The following FIBCD1 variants were observed in gnomAD, a reference collection of about 807,000 sequenced individuals.
The protein encoded by FIBCD1 is fibrinogen C domain containing 1, also known as fibrinogen C domain-containing protein 1.
Under a neutral mutation model 45.1 loss-of-function variants are expected in FIBCD1, and 47 were observed. That is an observed-to-expected ratio of 1.04 (90% CI 0.82 to 1.33). The LOEUF is 1.33. Ranked by LOEUF, FIBCD1 falls within the 40% of genes most tolerant of loss-of-function variation. The pLI, the probability that FIBCD1 is intolerant of heterozygous loss-of-function variation, is 0.00. For synonymous variants in FIBCD1, 313 were observed against 308.1 expected (o/e 1.02, Z -0.17); for missense variants, 653 against 682.2 (o/e 0.96, Z 0.48).
At chr9:130,911,174 G>T (rs531969289) in intron 5 of FIBCD1, among the ~76,000 whole-genome samples, 1 of 152,292 alleles carries the variant, frequency 6.6e-6, no homozygotes, top group South Asian at 2.1e-4. Context: ...GTGAAGGTCT[G>T]CAGTTTCACT....
chr9:130,912,484 A>C (rs1278813175), intron 4 of FIBCD1, among the ~76,000 whole-genome samples: 1 of 150,092 alleles, frequency 6.7e-6, no homozygotes, highest in Non-Finnish European at 1.5e-5. Context: ...AGGTGGGTGG[A>C]TCACCTGAGG....
intron 4 of FIBCD1, among the ~76,000 whole-genome samples, chr9:130,919,671 T>C (rs1832225302): frequency 6.6e-6 from 1 of 152,102 alleles, no homozygotes; most frequent in South Asian, 2.1e-4. Context: ...TACAGGCAGA[T>C]GTGAACTGGC....
chr9:130,919,870 C>T (rs1026342597), intron 4 of FIBCD1, among the ~76,000 whole-genome samples: 1 of 151,556 alleles, frequency 6.6e-6, no homozygotes, highest in Non-Finnish European at 1.5e-5. Context: ...CGTGTGTGAC[C>T]CCAGCCAGTG....
chr9:130,928,872 A>G (rs1832399152), intron 2 of FIBCD1, among the ~76,000 whole-genome samples: 1 of 152,108 alleles, frequency 6.6e-6, no homozygotes, highest in East Asian at 1.9e-4. Context: ...GTGGAGGCAG[A>G]TGAGACGATC....
chr9:130,932,320 C>T (rs756689389), intron 1 of FIBCD1, among the ~76,000 whole-genome samples: 33 of 152,196 alleles, frequency 2.2e-4, no homozygotes, highest in Non-Finnish European at 3.5e-4. Flanking sequence ...TGCAGACCCC[C>T]GGGAAAGAGA....
At chr9:130,931,627 A>G (rs185743580) in intron 1 of FIBCD1, among the ~76,000 whole-genome samples, 1 of 152,380 alleles carries the variant, frequency 6.6e-6, no homozygotes, top group African/African-American at 2.4e-5. Context: ...GAGGTGCCAG[A>G]GCGTGGCCGC....
At position 130,922,202 on chromosome 9, in the gene FIBCD1, A is replaced by T. The variant is rs2133102276; in HGVS notation, c.849+1542T>A. 6.6e-6 allele frequency among the ~76,000 whole-genome samples: 1 copy of T among 152,242 alleles called. No homozygotes were observed. The highest frequency in any genetic ancestry group is 2.4e-5 in the African/African-American group (1 of 41,546). ...CAATACACCAAAAATAGTCAGCACC[A>T]AGATCCCAGGCGAGATGCGTCCCGC... On this transcript the variant is annotated intron_variant, in intron 4 of 6. Transcript: ENST00000372338. The surrounding 1 kb of genome is among the most constrained non-coding windows in gnomAD (Gnocchi z 4.5).
Position 130,903,040 on chromosome 9 carries a change from T to C in FIBCD1, c.*1024A>G, listed in dbSNP as rs1043644761. 4 of 152,098 alleles carry C rather than the reference T, an allele frequency of 2.6e-5. No homozygotes were observed. Among genetic ancestry groups the C allele is most frequent in the Non-Finnish European group, 5.9e-5 (4 of 68,078 alleles). The allele number at this position is 152,098 out of a possible 1,614,324, so 9.4% of individuals were successfully genotyped here. A position where few individuals can be genotyped will look rare whatever the true frequency, so the allele number is the denominator to read the frequency against. On this transcript the variant is annotated 3_prime_UTR_variant, in exon 7 of 7. Coordinates refer to ENST00000372338, the MANE Select transcript of FIBCD1 (RefSeq NM_032843.5). Reference sequence around the variant, plus strand: ...AGGTGGCCACGGTCAATGGCAAGGGTTGGCCTCCTCATGGAGACAGCCACC... The same window carrying C: ...AGGTGGCCACGGTCAATGGCAAGGGCTGGCCTCCTCATGGAGACAGCCACC...
chr9:130,930,364 A>ACAGGGAGACG (rs1832428222), intron 1 of FIBCD1, among the ~76,000 whole-genome samples: 1 of 147,324 alleles, frequency 6.8e-6, no homozygotes, highest in African/African-American at 2.5e-5. Flanking sequence ...GCAGGGAGAC[A>ACAGGGAGACG]CAGGGAGACG....
chr9:130,932,596 G>A (rs1290015620), intron 1 of FIBCD1, among the ~76,000 whole-genome samples: 5 of 152,140 alleles, frequency 3.3e-5, no homozygotes, highest in African/African-American at 1.2e-4. Context: ...TCTTCTTTCA[G>A]GGCTCAGCTA....
intron 5 of FIBCD1, among the ~76,000 whole-genome samples, chr9:130,910,587 G>A (rs983012035): frequency 7.9e-5 from 12 of 152,268 alleles, no homozygotes; most frequent in African/African-American, 2.7e-4. Context: ...CTGGGCTCCT[G>A]AGTCTGGTGG....
chr9:130,907,850 T>C (rs1397135104), intron 5 of FIBCD1, among the ~76,000 whole-genome samples: 2 of 136,506 alleles, frequency 1.5e-5, no homozygotes, highest in Non-Finnish European at 3.0e-5. Flanking sequence ...AGTGAGCTGA[T>C]ATCATGCCAC....
At chr9:130,906,426 C>G (rs1227481768) in intron 5 of FIBCD1, among the ~76,000 whole-genome samples, 1 of 152,218 alleles carries the variant, frequency 6.6e-6, no homozygotes, top group Non-Finnish European at 1.5e-5. Flanking sequence ...GCGGATCCTC[C>G]CCCATCCCGC....
Position 130,938,528 on chromosome 9 carries a change from G to C in FIBCD1, c.72+8C>G. Reference sequence around the variant, plus strand: ...GCCCAGGCCCCGTGTCCCAGCGCCCGAGCGTACCTGCGGCTTGTCGCGCGG... The same window carrying C: ...GCCCAGGCCCCGTGTCCCAGCGCCCCAGCGTACCTGCGGCTTGTCGCGCGG... On this transcript the variant is annotated splice_region_variant and intron_variant, in intron 1 of 6. Coordinates refer to ENST00000372338, the MANE Select transcript of FIBCD1 (RefSeq NM_032843.5). 2 of 1,488,450 alleles carry C rather than the reference G, an allele frequency of 1.3e-6. No individual in the cohort carries two copies. The highest frequency in any genetic ancestry group is 1.8e-6 in the Non-Finnish European group (2 of 1,125,092). 92.2% of individuals were successfully genotyped at this position (1,488,450 alleles called of 1,614,324 possible).
intron 5 of FIBCD1, among the ~76,000 whole-genome samples, chr9:130,908,959 C>T (rs1041365668): frequency 6.6e-6 from 1 of 152,110 alleles, no homozygotes; most frequent in Non-Finnish European, 1.5e-5. Flanking sequence ...CCCCGACCCC[C>T]CATCTTCCAG....
chr9:130,913,259 CTCCTTTATTCTCCCTGCT>C, intron 4 of FIBCD1, among the ~76,000 whole-genome samples: 1 of 103,418 alleles, frequency 9.7e-6, no homozygotes. Flanking sequence ...AAGCTTTATT[CTCCTTTATTCTCCCTGCT>C]TTATTCTCCG....
intron 4 of FIBCD1, among the ~76,000 whole-genome samples, chr9:130,912,415 AAGTG>A (rs1258846587): frequency 1.6e-5 from 2 of 123,604 alleles, no homozygotes; most frequent in African/African-American, 5.9e-5. Context: ...AAAAAAAAAA[AAGTG>A]GGGTGGGCCG....
chr9:130,919,959 G>T (rs1832231374), intron 4 of FIBCD1, among the ~76,000 whole-genome samples: 4 of 152,198 alleles, frequency 2.6e-5, no homozygotes, highest in Non-Finnish European at 2.9e-5. Flanking sequence ...GGACAAGACT[G>T]TGCGGCAGGG....
At chr9:130,914,361 G>A (rs1832118909) in intron 4 of FIBCD1, among the ~76,000 whole-genome samples, 1 of 152,236 alleles carries the variant, frequency 6.6e-6, no homozygotes. Flanking sequence ...TTAGGGCAAA[G>A]GAACAGAGGA....
Sources: gnomAD v4.1 joint callset for allele counts (sites outside exome capture counted in the v4.1 genomes callset) on GRCh38, gnomAD v4.1.1 for gene constraint, Gnocchi (gnomAD v3.1) non-coding constraint, MANE v1.5 for transcripts, NCBI Gene and HGNC (gene_info 2026-07-23, HGNC 2026-07-21) for gene names.